Variants in CHRNB3 observed in about 807,000 individuals in gnomAD.
CHRNB3 encodes cholinergic receptor nicotinic beta 3 subunit.
Under a neutral mutation model 40.6 loss-of-function variants are expected in CHRNB3, and 37 were observed. The ratio of observed to expected loss-of-function variants is 0.91; its 90% CI spans 0.70 to 1.20. CHRNB3 has a LOEUF of 1.20. CHRNB3 is among the 50% of genes most tolerant of loss of function. CHRNB3 has a pLI of 0.00. For missense variants in CHRNB3, 505 were observed against 551.2 expected (o/e 0.92, Z 0.84); for synonymous variants, 207 against 207.1 (o/e 1.00, Z 0.00).
At chr8:42,712,640 C>T (rs1563609388) in intron 3 of CHRNB3, among the ~76,000 whole-genome samples, 1 of 152,186 alleles carries the variant, frequency 6.6e-6, no homozygotes, top group Non-Finnish European at 1.5e-5. Flanking sequence ...ACACCCATCT[C>T]ATTCCCCAGT....
chr8:42,722,548 G>A (rs1389599732), intron 3 of CHRNB3, among the ~76,000 whole-genome samples: 6 of 151,804 alleles, frequency 4.0e-5, no homozygotes, highest in Admixed American at 6.6e-5. Flanking sequence ...TAATTCCCCC[G>A]ACTTTTATTC....
At chr8:42,726,405 T>G (rs898995612) in intron 3 of CHRNB3, among the ~76,000 whole-genome samples, 24 of 151,800 alleles carry the variant, frequency 1.6e-4, no homozygotes, top group Non-Finnish European at 2.9e-4. Context: ...TCACAGGACA[T>G]ACGGTCAAAA....
At chr8:42,710,349 C>T (rs907490746) in intron 2 of CHRNB3, 41 bp from the exon 3 acceptor site, 1 of 1,447,736 alleles carries the variant, frequency 6.9e-7, no homozygotes, top group Admixed American at 1.8e-5. Context: ...AACTTATTTT[C>T]ACTTCAACTT....
At chr8:42,712,407 G>A (rs1471923762) in intron 3 of CHRNB3, among the ~76,000 whole-genome samples, 1 of 152,146 alleles carries the variant, frequency 6.6e-6, no homozygotes, top group African/African-American at 2.4e-5. Context: ...ACAGCAAGGA[G>A]CTTCCCCCAG....
At chr8:42,732,991 T>C (rs546854568) in intron 5 of CHRNB3, among the ~76,000 whole-genome samples, 1 of 152,168 alleles carries the variant, frequency 6.6e-6, no homozygotes, top group East Asian at 1.9e-4. Flanking sequence ...AACAGATATT[T>C]TGGTGAGGAA....
chr8:42,723,611 G>GC (rs1816256690), intron 3 of CHRNB3, among the ~76,000 whole-genome samples: 1 of 152,112 alleles, frequency 6.6e-6, no homozygotes, highest in African/African-American at 2.4e-5. Context: ...TCTCCTGGGG[G>GC]CCCCCTTCAC....
intron 4 of CHRNB3, 100 bp downstream of exon 4, chr8:42,730,803 C>T (rs1244342616): frequency 1.8e-6 from 1 of 557,540 alleles, no homozygotes; most frequent in African/African-American, 2.3e-5. Flanking sequence ...AATCCCAGCA[C>T]TTTGGGAGGC....
intron 2 of CHRNB3, among the ~76,000 whole-genome samples, chr8:42,709,433 A>G (rs1815974861): frequency 6.7e-6 from 1 of 150,302 alleles, no homozygotes; most frequent in South Asian, 2.1e-4. Context: ...TTAACTCCCT[A>G]AATGCAACAA....
At chr8:42,713,592 G>C (rs561344194) in intron 3 of CHRNB3, among the ~76,000 whole-genome samples, 2 of 152,150 alleles carry the variant, frequency 1.3e-5, no homozygotes, top group African/African-American at 4.8e-5. Flanking sequence ...ATTTGTAGTG[G>C]TGAAGTCTAG....
rs1816534257 is a variant in CHRNB3 at position 42,736,871 on chromosome 8, A to T, written c.*253A>T. The T allele has an allele frequency of 2.8e-5, 15 of 529,906 alleles. 1 individual carries two copies. The South Asian group carries it at 3.5e-4, about 12-fold the overall frequency. 32.8% of individuals were successfully genotyped at this position (529,906 alleles called of 1,614,324 possible). ...TTTCCCAGACATTCAGGGAGGGATC[A>T]TAGGTCCAGGCTTGAGCTCACATGT... On this transcript the variant is annotated 3_prime_UTR_variant, in exon 6 of 6. Transcript: ENST00000289957.
intron 3 of CHRNB3, among the ~76,000 whole-genome samples, chr8:42,716,884 G>GTAGCTGAGACAGT (rs1425809455): frequency 2.4e-4 from 37 of 152,228 alleles, no homozygotes; most frequent in Admixed American, 1.2e-3. Flanking sequence ...CGGCTTCACT[G>GTAGCTGAGACAGT]TAGCTGAGAC....
At chr8:42,709,851 C>T (rs1039999503) in intron 2 of CHRNB3, among the ~76,000 whole-genome samples, 5 of 152,074 alleles carry the variant, frequency 3.3e-5, no homozygotes, top group Non-Finnish European at 7.4e-5. Flanking sequence ...AGGCTGGTCT[C>T]GAACTCCTGA....
rs923663520 is a variant in CHRNB3, at chr8:42,697,577, G to A, written c.31G>A (p.Val11Ile). MLPDFMLVLI[V>I]LGIPSSATTG... ...CCCAGATTTTATGCTGGTTCTCATCGTCCTTGGCATCCCTTCCTCAGGTAA... is the reference window on the plus strand; with the variant it reads ...CCCAGATTTTATGCTGGTTCTCATCATCCTTGGCATCCCTTCCTCAGGTAA... Residue 11 changes from valine (V) to isoleucine (I), a missense_variant, in exon 1 of 6, where the codon GTC becomes ATC. Physicochemically the swap from Val to Ile is conservative, Grantham distance 29 (BLOSUM62 3). Transcript: ENST00000289957. The A allele has an allele frequency of 2.1e-5, 34 of 1,613,422 alleles. No homozygotes were observed. Among genetic ancestry groups the A allele is most frequent in the Middle Eastern group, 3.3e-4 (2 of 6,082 alleles).
intron 3 of CHRNB3, chr8:42,721,726 C>G (rs146126293): frequency 1.7e-4 from 1 of 5,900 alleles, no homozygotes; most frequent in East Asian, 6.5e-3. Flanking sequence ...CTGTCTCAAA[C>G]AAAACAAAAC....
intron 1 of CHRNB3, among the ~76,000 whole-genome samples, chr8:42,697,830 G>A (rs762593160): frequency 3.4e-5 from 5 of 148,404 alleles, no homozygotes; most frequent in Non-Finnish European, 7.4e-5. Context: ...CATTTGCTGC[G>A]TTTCTCCTTC....
Position 42,732,487 on chromosome 8 carries a change from A to G in CHRNB3, c.1180A>G (p.Lys394Glu). 6.2e-7 allele frequency: 1 copy of G among 1,611,510 alleles called. No individual in the cohort carries two copies. The highest frequency in any genetic ancestry group is 8.5e-7 in the Non-Finnish European group (1 of 1,179,536). The change falls in exon 5 of 6, where the codon AAA becomes GAA. Residue 394 changes from lysine (K) to glutamate (E), a missense_variant. Physicochemically the swap from Lys to Glu is moderately conservative, Grantham distance 56. Transcript: ENST00000289957. ...AAAAGTTCTAGTTGCTTTTTTGGAAAAAGCTGCTGATTCCATTAGATACAT... is the reference window on the plus strand; with the variant it reads ...AAAAGTTCTAGTTGCTTTTTTGGAAGAAGCTGCTGATTCCATTAGATACAT... ...GEKVLVAFLE[K>E]AADSIRYISR...
At chr8:42,699,904 C>T (rs1172272482) in intron 1 of CHRNB3, among the ~76,000 whole-genome samples, 1 of 123,404 alleles carries the variant, frequency 8.1e-6, no homozygotes, top group Non-Finnish European at 1.6e-5. Flanking sequence ...TTTTTTTTGA[C>T]GAGGCGGCAA....
chr8:42,709,001 C>A, intron 2 of CHRNB3, 133 bp downstream of exon 2: 1 of 976,774 alleles, frequency 1.0e-6, no homozygotes, highest in East Asian at 2.7e-5. Context: ...AAATCTGCCC[C>A]CAAGAAGCCA....
Position 42,736,723 on chromosome 8 carries a change from T to C in CHRNB3, c.*105T>C. The C allele has an allele frequency of 3.7e-6, 5 of 1,347,476 alleles. No homozygotes were observed. The South Asian group carries it at 3.9e-5, about 10-fold the overall frequency. 83.5% of individuals were successfully genotyped at this position (1,347,476 alleles called of 1,614,324 possible). ...CTTGTTCTACGAACCCCGAATGCGT[T>C]GTCTTTGTGGAAATGGAACATCTCC... is the stretch of plus-strand genomic sequence containing the variant. On this transcript the variant is annotated 3_prime_UTR_variant, in exon 6 of 6. Coordinates refer to ENST00000289957, the MANE Select transcript of CHRNB3 (RefSeq NM_000749.5).
Sources: allele counts gnomAD v4.1 joint callset (sites outside exome capture counted in the v4.1 genomes callset), GRCh38; gene constraint gnomAD v4.1.1; transcripts MANE v1.5; gene names NCBI Gene and HGNC (gene_info 2026-07-23, HGNC 2026-07-21).